Variants in RBFOX1 observed in about 807,000 individuals in gnomAD.
RBFOX1 encodes RNA binding protein fox-1 homolog 1.
In RBFOX1, 8 loss-of-function variants were observed where a neutral mutation model predicts 57.7. The ratio of observed to expected loss-of-function variants is 0.14; its 90% confidence interval spans 0.08 to 0.25. The LOEUF is 0.25. RBFOX1 is among the 10% of genes least tolerant of loss of function. The pLI, the probability that RBFOX1 is intolerant of heterozygous loss-of-function variation, is 1.00. For synonymous variants in RBFOX1, 326 were observed against 222.4 expected, an observed-to-expected ratio of 1.47 and a Z score of -4.15; for missense variants, 611 against 548.5, an observed-to-expected ratio of 1.11 and a Z score of -1.14.
chr16:5,668,104 A>T (rs1247360555), intron 3 of RBFOX1, among the ~76,000 whole-genome samples: 1 of 152,204 alleles, frequency 6.6e-6, no homozygotes, highest in African/African-American at 2.4e-5. Flanking sequence ...AATATCGTGA[A>T]ACTCTGTCTC....
At chr16:5,795,862 C>G (rs1441018011) in intron 3 of RBFOX1, among the ~76,000 whole-genome samples, 1 of 152,204 alleles carries the variant, frequency 6.6e-6, no homozygotes, top group East Asian at 1.9e-4. Flanking sequence ...CCATTAGAGC[C>G]TCACAGTCTC....
chr16:7,329,136 G>T (rs1027806424), intron 4 of RBFOX1, among the ~76,000 whole-genome samples: 21 of 152,276 alleles, frequency 1.4e-4, no homozygotes, highest in African/African-American at 5.1e-4. Flanking sequence ...TGTAAGTTCT[G>T]CAACACCTAA....
intron 3 of RBFOX1, among the ~76,000 whole-genome samples, chr16:6,937,901 A>G (rs1320471161): frequency 1.5e-5 from 2 of 137,576 alleles, no homozygotes; most frequent in African/African-American, 5.5e-5. Flanking sequence ...ATCATGAGGC[A>G]TTCCTATCAT....
chr16:6,813,063 G>C (rs188155798), intron 3 of RBFOX1, among the ~76,000 whole-genome samples: 1 of 151,842 alleles, frequency 6.6e-6, no homozygotes, highest in Admixed American at 6.6e-5. Context: ...AAACAATGCT[G>C]ATGTATATGA....
chr16:6,594,362 A>G (rs942390691), intron 2 of RBFOX1, among the ~76,000 whole-genome samples: 2 of 152,190 alleles, frequency 1.3e-5, no homozygotes, highest in African/African-American at 4.8e-5. Flanking sequence ...TGTTATGAGA[A>G]AAACAAGAAT....
At chr16:6,279,500 T>A (rs554086702) in intron 1 of RBFOX1, among the ~76,000 whole-genome samples, 1 of 152,288 alleles carries the variant, frequency 6.6e-6, no homozygotes, top group South Asian at 2.1e-4. Context: ...GGATAAAGAT[T>A]CCATGGAAAC....
In RBFOX1 at chr16:5,691,426, G is replaced by A. The variant is rs541299966; in HGVS notation, c.318+92465G>A. ...CTAGGGCAGTGTGTGCTCTTGGGAT[G>A]GTACTGCTTGAATCAGTGGTTGAAT... On this transcript the variant is annotated intron_variant, in intron 3 of 19. Coordinates refer to the RBFOX1 transcript ENST00000641259. Among the ~76,000 whole-genome samples, 4 of 152,238 alleles carry A rather than the reference G, an allele frequency of 2.6e-5. No individual in the cohort carries two copies. The South Asian group carries it at 8.3e-4, about 32-fold the overall frequency.
At chr16:6,820,591 A>G (rs1382637926) in intron 3 of RBFOX1, among the ~76,000 whole-genome samples, 2 of 152,122 alleles carry the variant, frequency 1.3e-5, no homozygotes, top group Non-Finnish European at 2.9e-5. Flanking sequence ...CCCGGGAGTT[A>G]GAGGCTGCTG....
At chr16:6,193,328 G>C (rs2097153753) in intron 1 of RBFOX1, among the ~76,000 whole-genome samples, 1 of 119,282 alleles carries the variant, frequency 8.4e-6, no homozygotes, top group African/African-American at 2.8e-5. Flanking sequence ...CACAGCCCCA[G>C]TGTCCATATT....
intron 3 of RBFOX1, among the ~76,000 whole-genome samples, chr16:6,784,337 T>C (rs985594710): frequency 1.3e-5 from 2 of 152,138 alleles, no homozygotes; most frequent in Non-Finnish European, 2.9e-5. Flanking sequence ...GACTGTATTT[T>C]CAAATAGCCT....
At chr16:7,706,042 GCT>G (rs762353364) in intron 14 of RBFOX1, among the ~76,000 whole-genome samples, 5 of 152,080 alleles carry the variant, frequency 3.3e-5, no homozygotes, top group South Asian at 2.1e-4. Context: ...GTATTGCTGT[GCT>G]CTGTCTCCGG....
intron 4 of RBFOX1, among the ~76,000 whole-genome samples, chr16:7,410,295 G>T (rs538737632): frequency 6.6e-6 from 1 of 152,294 alleles, no homozygotes; most frequent in Admixed American, 6.5e-5. Context: ...TACTGTTATT[G>T]CTCTCACTTG....
At chr16:7,269,043 C>CAAAAAA (rs56297510) in intron 4 of RBFOX1, among the ~76,000 whole-genome samples, 2 of 52,298 alleles carry the variant, frequency 3.8e-5, no homozygotes, top group Non-Finnish European at 7.1e-5. Flanking sequence ...TCTTCCATCT[C>CAAAAAA]AAAAAAAAAA....
At chr16:5,494,419 C>T (rs1445207939) in intron 2 of RBFOX1, among the ~76,000 whole-genome samples, 1 of 152,168 alleles carries the variant, frequency 6.6e-6, no homozygotes, top group Admixed American at 6.5e-5. Flanking sequence ...TCATGGCTTT[C>T]TTTTGCACAT....
intron 1 of RBFOX1, among the ~76,000 whole-genome samples, chr16:6,211,780 A>G (rs554534377): frequency 6.6e-6 from 1 of 152,212 alleles, no homozygotes; most frequent in African/African-American, 2.4e-5. Context: ...TGTGAAACCT[A>G]TCAAATAAAT....
At chr16:6,941,915 C>T (rs1368489411) in intron 3 of RBFOX1, among the ~76,000 whole-genome samples, 1 of 152,058 alleles carries the variant, frequency 6.6e-6, no homozygotes. Flanking sequence ...TCAAGCAGTC[C>T]TCCCGCTTCA....
rs1226704039 is a variant in RBFOX1, at chr16:6,565,054, C to G, written c.-63-89549C>G. 2.0e-5 allele frequency among the ~76,000 whole-genome samples: 3 copies of G among 150,516 alleles called. No homozygotes were observed. The East Asian group carries it at 5.9e-4, about 30-fold the overall frequency. On this transcript the variant is annotated intron_variant, in intron 2 of 15. Transcript: ENST00000550418. The stretch of plus-strand genomic sequence containing the variant: ...GAGACTAAACAAGAATTGCTTGAAC[C>G]CAGGAGACAGAGGTTGTAGTGAGCA...
At chr16:6,393,231 A>C (rs929354907) in intron 2 of RBFOX1, among the ~76,000 whole-genome samples, 1 of 152,218 alleles carries the variant, frequency 6.6e-6, no homozygotes, top group African/African-American at 2.4e-5. Flanking sequence ...TTCTAAAACA[A>C]ATTAAATGAC....
At chr16:5,895,483 A>G (rs1171310929) in intron 4 of RBFOX1, among the ~76,000 whole-genome samples, 2 of 152,210 alleles carry the variant, frequency 1.3e-5, no homozygotes, top group East Asian at 1.9e-4. Context: ...ACGTGATTGA[A>G]ATACCAGTGC....
Sources: gnomAD v4.1 joint callset for allele counts (sites outside exome capture counted in the v4.1 genomes callset) on GRCh38, gnomAD v4.1.1 for gene constraint, MANE v1.5 for transcripts, NCBI Gene and HGNC (gene_info 2026-07-23, HGNC 2026-07-21) for gene names.